The following DOCK4 variants were observed in gnomAD, a reference collection of about 807,000 sequenced individuals.
DOCK4 encodes the protein dedicator of cytokinesis protein 4.
Under a neutral mutation model 268.1 loss-of-function variants are expected in DOCK4, and 97 were observed. The observed-to-expected ratio is 0.36, with a 90% CI of 0.31 to 0.43. DOCK4 has a LOEUF of 0.43. Among genes scored for constraint, DOCK4 ranks in the 20% least tolerant of loss-of-function variants. DOCK4 has a pLI of 1.00. For synonymous variants in DOCK4, 954 were observed against 887.2 expected, an observed-to-expected ratio of 1.08 and a Z score of -1.34; for missense variants, 2,145 against 2,455.7, an observed-to-expected ratio of 0.87 and a Z score of 2.67.
chr7:111,825,224 A>G (rs1023770503), intron 26 of DOCK4, among the ~76,000 whole-genome samples: 2 of 152,186 alleles, frequency 1.3e-5, no homozygotes, highest in Non-Finnish European at 2.9e-5. Context: ...ATGTTTCATC[A>G]TATCATGTTG....
chr7:112,084,434 C>T (rs2135730634), intron 1 of DOCK4, among the ~76,000 whole-genome samples: 1 of 152,310 alleles, frequency 6.6e-6, no homozygotes, highest in East Asian at 1.9e-4. Flanking sequence ...AAAGCCACTA[C>T]TTAGCAGCAT....
chr7:112,102,825 A>C (rs960331756), intron 1 of DOCK4, among the ~76,000 whole-genome samples: 4 of 151,986 alleles, frequency 2.6e-5, no homozygotes, highest in African/African-American at 9.6e-5. Context: ...ACTGAGTGTC[A>C]TAAGAAATAA....
At position 111,877,139 on chromosome 7, in the gene DOCK4, A is replaced by C; in HGVS notation, c.1635T>G (p.Leu545=). 1 of 1,585,962 alleles carries C rather than the reference A, an allele frequency of 6.3e-7. No homozygotes were observed. Among genetic ancestry groups the C allele is most frequent in the Non-Finnish European group, 8.6e-7 (1 of 1,166,654 alleles). ...CAAGGAAAATGCCCTTGGAAAAGGG[A>C]AGTTTGAGGTAGCGGGTAGTATCCT... ...NLQDTTRYLK[L]PFSKGIFLGN... is the part of the protein sequence containing the mutation. Residue 545 remains leucine (L), a synonymous_variant, in exon 17 of 53, where the codon CTT becomes CTG. Transcript: ENST00000428084.
intron 30 of DOCK4, among the ~76,000 whole-genome samples, chr7:111,792,647 T>G (rs1054292333): frequency 6.6e-6 from 1 of 152,200 alleles, no homozygotes; most frequent in African/African-American, 2.4e-5. Context: ...CCTCCCAAAG[T>G]GCTGGGTTTA....
intron 23 of DOCK4, among the ~76,000 whole-genome samples, chr7:111,850,392 A>T (rs951288494): frequency 1.4e-4 from 22 of 151,980 alleles, no homozygotes; most frequent in Non-Finnish European, 2.1e-4. Flanking sequence ...CCCATGCTAC[A>T]TTAGAAATTC....
chr7:112,163,665 T>C (rs1817340255), intron 1 of DOCK4, among the ~76,000 whole-genome samples: 1 of 152,212 alleles, frequency 6.6e-6, no homozygotes, highest in Non-Finnish European at 1.5e-5. Context: ...TATTGATTAA[T>C]TTAATAGTCA....
At chr7:111,927,897 G>A (rs1457365130) in intron 12 of DOCK4, among the ~76,000 whole-genome samples, 2 of 152,068 alleles carry the variant, frequency 1.3e-5, no homozygotes, top group Non-Finnish European at 2.9e-5. Flanking sequence ...TCCGTATATT[G>A]GATGAAAAGT....
At chr7:112,046,422 G>C (rs1035895456) in intron 1 of DOCK4, among the ~76,000 whole-genome samples, 4 of 152,072 alleles carry the variant, frequency 2.6e-5, no homozygotes, top group Non-Finnish European at 5.9e-5. Flanking sequence ...TAAAAACCAA[G>C]ATAAAAAGAA....
chr7:111,860,282 T>A (rs1470904512), intron 23 of DOCK4, among the ~76,000 whole-genome samples: 3 of 152,218 alleles, frequency 2.0e-5, no homozygotes. Context: ...TATTGTGTAG[T>A]CACATGTAAT....
chr7:112,157,424 G>A (rs1357299955), intron 1 of DOCK4, among the ~76,000 whole-genome samples: 4 of 152,070 alleles, frequency 2.6e-5, no homozygotes, highest in Non-Finnish European at 4.4e-5. Context: ...CATTTTAAGG[G>A]TTAAAAGAAA....
At chr7:112,189,341 G>T in intron 1 of DOCK4, among the ~76,000 whole-genome samples, 1 of 151,830 alleles carries the variant, frequency 6.6e-6, no homozygotes, top group East Asian at 1.9e-4. Context: ...TCACTAAAAG[G>T]TTGGAAAAGC....
chr7:112,042,991 A>G (rs757373712), intron 1 of DOCK4, among the ~76,000 whole-genome samples: 1 of 152,154 alleles, frequency 6.6e-6, no homozygotes, highest in African/African-American at 2.4e-5. Flanking sequence ...GGTGTTTTCC[A>G]TCATGTTATA....
intron 13 of DOCK4, among the ~76,000 whole-genome samples, chr7:111,907,519 G>T (rs189430389): frequency 1.3e-5 from 2 of 152,192 alleles, no homozygotes; most frequent in East Asian, 1.9e-4. Flanking sequence ...CCCTCCCTCT[G>T]TCTGATCTAG....
Position 111,944,796 on chromosome 7 carries a change from A to T in DOCK4, c.844+15T>A, listed in dbSNP as rs887859497. 1 of 1,612,774 alleles carries T rather than the reference A, an allele frequency of 6.2e-7. No individual in the cohort carries two copies. Among genetic ancestry groups the T allele is most frequent in the African/African-American group, 1.3e-5 (1 of 74,918 alleles). ...TGTTCCTTGCCCCTACTGCACTGAC[A>T]AGTGTTATACCTACCGATTCGGATA... On this transcript the variant is annotated intron_variant, in intron 10 of 52. Transcript: ENST00000428084.
intron 23 of DOCK4, among the ~76,000 whole-genome samples, chr7:111,859,283 G>A (rs1291387427): frequency 2.6e-5 from 4 of 152,192 alleles, no homozygotes; most frequent in Non-Finnish European, 5.9e-5. Context: ...AGGATAAGAA[G>A]TTTGTGTTGT....
At chr7:112,180,112 G>A (rs1818892322) in intron 1 of DOCK4, among the ~76,000 whole-genome samples, 1 of 152,130 alleles carries the variant, frequency 6.6e-6, no homozygotes, top group South Asian at 2.1e-4. Flanking sequence ...CGGTTTAGCT[G>A]TCAGTACCAT....
chr7:112,037,539 C>T (rs1001739868), intron 1 of DOCK4, among the ~76,000 whole-genome samples: 4 of 152,128 alleles, frequency 2.6e-5, no homozygotes, highest in Admixed American at 6.5e-5. Context: ...ATTATATAAA[C>T]GGACTCATAC....
intron 27 of DOCK4, chr7:111,819,387 T>C (rs1165866181): frequency 1.3e-5 from 2 of 152,220 alleles, no homozygotes; most frequent in African/African-American, 4.8e-5. Context: ...GATTGAGCAG[T>C]TGTTGTCATC....
chr7:111,972,979 T>G (rs1013952087), intron 8 of DOCK4, among the ~76,000 whole-genome samples: 41 of 151,832 alleles, frequency 2.7e-4, no homozygotes, highest in African/African-American at 9.7e-4. Flanking sequence ...AAGTCTATCG[T>G]ATCATTCCTA....
Sources: allele counts gnomAD v4.1 joint callset (sites outside exome capture counted in the v4.1 genomes callset), GRCh38; gene constraint gnomAD v4.1.1; transcripts MANE v1.5; gene names NCBI Gene and HGNC (gene_info 2026-07-23, HGNC 2026-07-21).